TMEM232: variants seen among roughly 807,000 people sequenced by gnomAD.
TMEM232 encodes transmembrane protein 232.
In TMEM232, 80 loss-of-function variants were observed where a neutral mutation model predicts 78.8. The ratio of observed to expected loss-of-function variants is 1.01; its 90% CI spans 0.85 to 1.22. TMEM232 has a LOEUF of 1.22. TMEM232 is among the 50% of genes most tolerant of loss of function. The pLI is 0.00. For synonymous variants in TMEM232, 297 were observed against 254.3 expected, an observed-to-expected ratio of 1.17 and a Z score of -1.60; for missense variants, 881 against 742.2, an observed-to-expected ratio of 1.19 and a Z score of -2.17.
chr5:110,529,259 T>G (rs892224221), intron 11 of TMEM232, among the ~76,000 whole-genome samples: 7 of 152,088 alleles, frequency 4.6e-5, no homozygotes, highest in Non-Finnish European at 8.8e-5. Flanking sequence ...TTTTTTTTCT[T>G]TTTTGAGAAA....
intron 1 of TMEM232, among the ~76,000 whole-genome samples, chr5:110,718,338 G>A (rs1797230167): frequency 6.6e-6 from 1 of 152,088 alleles, no homozygotes; most frequent in African/African-American, 2.4e-5. Flanking sequence ...TTTCAAAACA[G>A]AATACATCTT....
At chr5:110,469,724 G>C (rs984815804) in intron 12 of TMEM232, among the ~76,000 whole-genome samples, 4 of 152,178 alleles carry the variant, frequency 2.6e-5, no homozygotes, top group East Asian at 1.9e-4. Flanking sequence ...CTCAGCCTGA[G>C]CTGAAATGAC....
Position 110,605,771 on chromosome 5 carries a change from A to C in TMEM232, c.1026+393T>G, listed in dbSNP as rs530711653. On this transcript the variant is annotated intron_variant, in intron 9 of 13. Coordinates refer to ENST00000455884, the MANE Select transcript of TMEM232 (RefSeq NM_001039763.4). Reference sequence around the variant, plus strand: ...ACATCTGTCCCAAAAACTCTGAAAGAAACTTCACAGTCTTTCACTTGGTAA... The same window carrying C: ...ACATCTGTCCCAAAAACTCTGAAAGCAACTTCACAGTCTTTCACTTGGTAA... Among the ~76,000 whole-genome samples, 9 of 152,228 alleles carry C rather than the reference A, an allele frequency of 5.9e-5. 1 individual carries two copies. In the South Asian group the frequency reaches 1.9e-3, roughly 32 times the overall value.
upstream of TMEM232, among the ~76,000 whole-genome samples, chr5:110,727,337 C>A (rs567473005): frequency 2.0e-5 from 3 of 152,306 alleles, no homozygotes; most frequent in African/African-American, 4.8e-5. Context: ...GTAGGCCGGG[C>A]GCAGTGGCTC....
chr5:110,578,705 A>G (rs1365149343), intron 10 of TMEM232, among the ~76,000 whole-genome samples: 1 of 151,942 alleles, frequency 6.6e-6, no homozygotes, highest in East Asian at 1.9e-4. Flanking sequence ...AAGTGAAAAA[A>G]TTCTCGTGAC....
At position 110,627,859 on chromosome 5, in the gene TMEM232, G is replaced by GT. The variant is rs772988949; in HGVS notation, c.522dup (p.Arg175ThrfsTer15). ...CCATGCAGGAAAAATATAAAAAGTCGTAAGAAGACCAAATAGCCAATCTGT... is the reference window on the plus strand; with the variant it reads ...CCATGCAGGAAAAATATAAAAAGTCGTTAAGAAGACCAAATAGCCAATCTGT... On this transcript the variant is annotated frameshift_variant, in exon 6 of 14. Transcript: ENST00000455884. LOFTEE classifies it high-confidence loss of function. 60 of 1,530,520 alleles carry GT rather than the reference G, an allele frequency of 3.9e-5. No homozygotes were observed. In the East Asian group the frequency reaches 9.9e-4, roughly 25 times the overall value. 94.8% of individuals were successfully genotyped at this position (1,530,520 alleles called of 1,614,324 possible). A position where few individuals can be genotyped will look rare whatever the true frequency, so the allele number is the denominator to read the frequency against.
intron 8 of TMEM232, 123 bp downstream of exon 8, chr5:110,618,306 G>A: frequency 3.2e-6 from 4 of 1,234,766 alleles, no homozygotes; most frequent in Non-Finnish European, 4.5e-6. Flanking sequence ...CTTTGGAACT[G>A]AGATTATAAA....
chr5:110,653,316 G>T (rs1487673085), intron 2 of TMEM232, among the ~76,000 whole-genome samples: 1 of 152,148 alleles, frequency 6.6e-6, no homozygotes, highest in East Asian at 1.9e-4. Context: ...TTTTCCATCT[G>T]TAGAAACAGT....
chr5:110,421,750 A>G (rs935001189), intron 13 of TMEM232, among the ~76,000 whole-genome samples: 3 of 152,220 alleles, frequency 2.0e-5, no homozygotes, highest in Admixed American at 2.0e-4. Flanking sequence ...ATCAGAGTCC[A>G]TAGCATGTCA....
intron 5 of TMEM232, among the ~76,000 whole-genome samples, chr5:110,635,417 T>C (rs1038533195): frequency 5.3e-5 from 8 of 152,062 alleles, no homozygotes; most frequent in Admixed American, 3.3e-4. Context: ...CTAATGCACA[T>C]AGACTCCAAA....
chr5:110,523,707 G>A (rs12332282), intron 12 of TMEM232, among the ~76,000 whole-genome samples: 2,865 of 152,122 alleles, frequency 0.019, 108 homozygotes, highest in African/African-American at 0.066. Context: ...AATCCCAGCA[G>A]TTTGGGAGGT....
intron 1 of TMEM232, among the ~76,000 whole-genome samples, chr5:110,711,075 T>C (rs1166549345): frequency 1.3e-5 from 2 of 152,118 alleles, no homozygotes; most frequent in African/African-American, 4.8e-5. Context: ...AGTTGCAGAA[T>C]ACAAATAAAT....
intron 8 of TMEM232, among the ~76,000 whole-genome samples, chr5:110,612,065 A>G (rs1408552429): frequency 1.3e-5 from 2 of 152,140 alleles, no homozygotes; most frequent in African/African-American, 4.8e-5. Context: ...CTGGCAGGAC[A>G]TGTAGTATCC....
intron 9 of TMEM232, 102 bp from the exon 10 acceptor site, chr5:110,605,460 A>G: frequency 5.2e-5 from 68 of 1,308,854 alleles, no homozygotes; most frequent in Non-Finnish European, 6.8e-5. Flanking sequence ...TAATAAACTA[A>G]TATATCTAAA....
At chr5:110,713,155 A>G (rs1796670473) in intron 1 of TMEM232, among the ~76,000 whole-genome samples, 1 of 152,034 alleles carries the variant, frequency 6.6e-6, no homozygotes, top group Non-Finnish European at 1.5e-5. Flanking sequence ...GCACAGAAAG[A>G]CAAACATCAC....
chr5:110,637,393 T>C (rs1012721343), intron 5 of TMEM232, among the ~76,000 whole-genome samples: 1 of 151,804 alleles, frequency 6.6e-6, no homozygotes, highest in Non-Finnish European at 1.5e-5. Context: ...AGAGAGCATC[T>C]AAGCTTGATT....
chr5:110,646,139 G>T (rs1787444808), intron 2 of TMEM232, among the ~76,000 whole-genome samples: 1 of 151,604 alleles, frequency 6.6e-6, no homozygotes, highest in Non-Finnish European at 1.5e-5. Flanking sequence ...GGAAAACTCA[G>T]CATTGTTAAA....
intron 1 of TMEM232, among the ~76,000 whole-genome samples, chr5:110,721,259 T>C (rs1157403037): frequency 6.6e-6 from 1 of 152,124 alleles, no homozygotes; most frequent in East Asian, 1.9e-4. Context: ...ATTGATAGAT[T>C]TTGTGTGACA....
chr5:110,427,626 A>T (rs899413502), intron 12 of TMEM232, among the ~76,000 whole-genome samples: 1 of 151,948 alleles, frequency 6.6e-6, no homozygotes, highest in African/African-American at 2.4e-5. Context: ...AGGAAAAAAA[A>T]TTCTAAATCA....
Sources: gnomAD v4.1 joint callset for allele counts (sites outside exome capture counted in the v4.1 genomes callset) on GRCh38, gnomAD v4.1.1 for gene constraint, MANE v1.5 for transcripts, NCBI Gene and HGNC (gene_info 2026-07-23, HGNC 2026-07-21) for gene names.